ZFYVE1: variants seen among roughly 807,000 people sequenced by gnomAD.
The protein encoded by ZFYVE1 is zinc finger FYVE-type containing 1, also known as zinc finger FYVE domain-containing protein 1.
A neutral mutation model predicts 74.4 loss-of-function variants in ZFYVE1; 30 were observed. The ratio of observed to expected loss-of-function variants is 0.40; its 90% CI spans 0.30 to 0.55. ZFYVE1 has a LOEUF of 0.55. ZFYVE1 is among the 20% of genes least tolerant of loss of function. ZFYVE1 has a pLI of 0.42. For synonymous variants in ZFYVE1, 335 were observed against 385.1 expected (o/e 0.87, Z 1.52); for missense variants, 703 against 1,011.6 (o/e 0.69, Z 4.14).
intron 2 of ZFYVE1, among the ~76,000 whole-genome samples, chr14:73,018,423 T>C (rs1594866029): frequency 1.1e-5 from 1 of 94,886 alleles, no homozygotes; most frequent in Admixed American, 1.6e-4. Flanking sequence ...AGAGCAAGAC[T>C]CCATCTCAAA....
intron 4 of ZFYVE1, among the ~76,000 whole-genome samples, chr14:72,989,967 A>G (rs1893569952): frequency 6.6e-6 from 1 of 152,180 alleles, no homozygotes; most frequent in Non-Finnish European, 1.5e-5. Flanking sequence ...CATAAAACAA[A>G]ATAAAAACAA....
chr14:73,014,127 A>G (rs2140383287), intron 2 of ZFYVE1, among the ~76,000 whole-genome samples: 1 of 152,190 alleles, frequency 6.6e-6, no homozygotes, highest in East Asian at 1.9e-4. Context: ...TGCAAACTGA[A>G]GGTGTCTTAA....
intron 4 of ZFYVE1, among the ~76,000 whole-genome samples, chr14:72,986,153 T>G (rs1893473704): frequency 6.6e-6 from 1 of 152,200 alleles, no homozygotes; most frequent in Non-Finnish European, 1.5e-5. Flanking sequence ...TTCAGAGAAA[T>G]GGGGGCATTT....
rs1454974492 is a variant in ZFYVE1 at position 72,977,959 on chromosome 14, C to T, written c.1603G>A (p.Val535Met). Reference protein sequence around the residue: ...FGNQDPVDTVVRTEIVHVWPG... With the variant: ...FGNQDPVDTVMRTEIVHVWPG... ...CACACATGCACAATCTCTGTCCGCA[C>T]CACCGTATCCACAGGATCTTGGTTT... The change falls in exon 8 of 12, where the codon GTG becomes ATG. Residue 535 changes from valine (V) to methionine (M), a missense_variant. By Grantham distance (21) the Val-to-Met change is conservative. Coordinates refer to ENST00000556143, the MANE Select transcript of ZFYVE1 (RefSeq NM_021260.4). 3 of 1,614,092 alleles carry T rather than the reference C, an allele frequency of 1.9e-6. No homozygotes were observed. Among genetic ancestry groups the T allele is most frequent in the Admixed American group, 1.7e-5 (1 of 60,000 alleles).
intron 2 of ZFYVE1, among the ~76,000 whole-genome samples, chr14:73,020,326 T>C (rs1452946822): frequency 1.3e-5 from 2 of 150,346 alleles, no homozygotes; most frequent in Admixed American, 1.3e-4. Context: ...TAGAAAGGCA[T>C]GCAGTTCACT....
At chr14:73,013,846 G>C (rs751551654) in intron 2 of ZFYVE1, among the ~76,000 whole-genome samples, 5 of 152,074 alleles carry the variant, frequency 3.3e-5, no homozygotes, top group Non-Finnish European at 5.9e-5. Flanking sequence ...ACCTCAGATA[G>C]AAATGATCTC....
rs1893158835 is a variant in ZFYVE1, at chr14:72,975,962, C to T, written c.1636-241G>A. ...TAAGCCCATATAATACAGGAGATGA[C>T]ACCTCCTCCAGGGGGCCCCGCACCG... On this transcript the variant is annotated intron_variant, in intron 8 of 11. Coordinates refer to ENST00000556143, the MANE Select transcript of ZFYVE1 (RefSeq NM_021260.4). The surrounding 1 kb of genome is among the most constrained non-coding windows in gnomAD (Gnocchi z 4.1). 2.2e-6 allele frequency: 1 copy of T among 444,824 alleles called. No individual in the cohort carries two copies. 27.6% of individuals were successfully genotyped at this position (444,824 alleles called of 1,614,324 possible).
chr14:72,969,457 A>C lies in ZFYVE1; in HGVS notation c.*1425T>G. The C allele has an allele frequency of 2.2e-6, 1 of 456,376 alleles. No individual in the cohort carries two copies. The highest frequency in any genetic ancestry group is 3.9e-6 in the Non-Finnish European group (1 of 259,328). The allele number at this position is 456,376 out of a possible 1,614,324, so 28.3% of individuals were successfully genotyped here. On this transcript the variant is annotated 3_prime_UTR_variant, in exon 12 of 12. Coordinates refer to ENST00000556143, the MANE Select transcript of ZFYVE1 (RefSeq NM_021260.4). Reference sequence around the variant, plus strand: ...AGAGCCAGCACAGTCGAGATGCAGGAAGATTCCTTTATGATGGCGAATTGG... The same window carrying C: ...AGAGCCAGCACAGTCGAGATGCAGGCAGATTCCTTTATGATGGCGAATTGG...
chr14:73,001,043 C>CT (rs1431198849), intron 2 of ZFYVE1, among the ~76,000 whole-genome samples: 2 of 152,236 alleles, frequency 1.3e-5, no homozygotes, highest in Non-Finnish European at 2.9e-5. Flanking sequence ...GTGCCACTTC[C>CT]TCCTTTCAGT....
chr14:73,016,625 T>C lies in ZFYVE1; in HGVS notation c.483+7401A>G, dbSNP rs551829613. Among the ~76,000 whole-genome samples the C allele has an allele frequency of 4.6e-5, 7 of 152,282 alleles. No individual in the cohort carries two copies. The East Asian group carries it at 1.4e-3, about 29-fold the overall frequency. ...GGCCAGATGCAGTGGCTCATGCCTG[T>C]AATCCCAGCACTTTGGGAGGCCGAG... On this transcript the variant is annotated intron_variant, in intron 2 of 11. Transcript: ENST00000556143.
At chr14:72,978,268 TG>T in intron 6 of ZFYVE1, 34 bp from the exon 7 acceptor site, 1 of 1,603,492 alleles carries the variant, frequency 6.2e-7, no homozygotes, top group Non-Finnish European at 8.5e-7. Context: ...GCTTATTGTT[TG>T]TTTTTTGTTT....
chr14:72,979,007 A>G, intron 5 of ZFYVE1, 38 bp from the exon 6 acceptor site: 1 of 1,579,364 alleles, frequency 6.3e-7, no homozygotes, highest in Non-Finnish European at 8.7e-7. Context: ...AGACGGCTAA[A>G]GGAGCCAGTG....
chr14:73,000,842 C>A (rs1169713652), intron 2 of ZFYVE1, among the ~76,000 whole-genome samples: 1 of 152,222 alleles, frequency 6.6e-6, no homozygotes, highest in Non-Finnish European at 1.5e-5. Context: ...CAATACCCAT[C>A]CACTGATAAA....
At position 73,008,736 on chromosome 14, in the gene ZFYVE1, T is replaced by C. The variant is rs116683621; in HGVS notation, c.484-10421A>G. 7.4e-3 allele frequency among the ~76,000 whole-genome samples: 1,128 copies of C among 152,262 alleles called. 15 individuals are homozygous for C. The highest frequency in any genetic ancestry group is 0.026 in the African/African-American group (1,085 of 41,544). ...CTTTTTAAGTGGCATAGCATATCCA[T>C]ATTTGGCCAGCTGTGAAAACAGATG... is the stretch of plus-strand genomic sequence containing the variant. On this transcript the variant is annotated intron_variant, in intron 2 of 11. Coordinates refer to ENST00000556143, the MANE Select transcript of ZFYVE1 (RefSeq NM_021260.4).
intron 5 of ZFYVE1, 55 bp downstream of exon 5, chr14:72,981,734 C>A: frequency 6.5e-7 from 1 of 1,543,144 alleles, no homozygotes; most frequent in Non-Finnish European, 9.0e-7. Flanking sequence ...AAGCACCACT[C>A]AAAGGCTCTA....
chr14:72,993,385 G>A, intron 3 of ZFYVE1, 28 bp from the exon 4 acceptor site: 2 of 1,562,542 alleles, frequency 1.3e-6, no homozygotes, highest in South Asian at 2.3e-5. Flanking sequence ...CAGGCACATG[G>A]GTAGTGAGTG....
At chr14:72,987,778 G>C (rs992228573) in intron 4 of ZFYVE1, among the ~76,000 whole-genome samples, 5 of 152,160 alleles carry the variant, frequency 3.3e-5, no homozygotes, top group African/African-American at 1.2e-4. Flanking sequence ...TAGGTATCTG[G>C]GCTGTTGCTA....
intron 2 of ZFYVE1, among the ~76,000 whole-genome samples, chr14:73,020,174 G>A (rs1381676216): frequency 2.1e-5 from 3 of 140,900 alleles, no homozygotes; most frequent in Admixed American, 7.6e-5. Context: ...AGGATTGCTC[G>A]AACCCAGGAG....
intron 5 of ZFYVE1, 23 bp from the exon 6 acceptor site, chr14:72,978,992 C>A (rs893421389): frequency 6.2e-7 from 1 of 1,605,500 alleles, no homozygotes; most frequent in Non-Finnish European, 8.5e-7. Flanking sequence ...CAAAGACTGA[C>A]AATGAGACGG....
Sources: gnomAD v4.1 joint callset for allele counts (sites outside exome capture counted in the v4.1 genomes callset) on GRCh38, gnomAD v4.1.1 for gene constraint, Gnocchi (gnomAD v3.1) non-coding constraint, MANE v1.5 for transcripts, NCBI Gene and HGNC (gene_info 2026-07-23, HGNC 2026-07-21) for gene names.